TBX4: variants seen among roughly 807,000 people sequenced by gnomAD.
TBX4 encodes T-box transcription factor TBX4.
A neutral mutation model predicts 54.6 loss-of-function variants in TBX4; 13 were observed. The observed-to-expected ratio is 0.24, with a 90% CI of 0.15 to 0.38. TBX4 has a LOEUF of 0.38. Among genes scored for constraint, TBX4 ranks in the 10% least tolerant of loss-of-function variants. TBX4 has a pLI of 1.00. For synonymous variants in TBX4, 314 were observed against 306.7 expected (o/e 1.02, Z -0.25); for missense variants, 631 against 728.5 (o/e 0.87, Z 1.54).
chr17:61,465,702 A>G lies in TBX4; in HGVS notation c.282-117A>G. 7.3e-7 allele frequency: 1 copy of G among 1,374,626 alleles called. No individual in the cohort carries two copies. The highest frequency in any genetic ancestry group is 1.2e-5 in the South Asian group (1 of 85,226). The allele number at this position is 1,374,626 out of a possible 1,614,324, so 85.2% of individuals were successfully genotyped here. On this transcript the variant is annotated intron_variant, in intron 3 of 8. Coordinates refer to ENST00000644296, the MANE Select transcript of TBX4 (RefSeq NM_001321120.2). This position sits in a 1 kb window ranked among gnomAD's most constrained non-coding sequence, Gnocchi z 4.9. ...AGGTCACACAGCTGTGACCAATGCC[A>G]GGATCGCTGGCCAAAAGGGCAGCAT...
intron 3 of TBX4, among the ~76,000 whole-genome samples, chr17:61,458,009 T>C (rs2060466693): frequency 6.6e-6 from 1 of 152,206 alleles, no homozygotes; most frequent in Non-Finnish European, 1.5e-5. Context: ...CAGAGATGCC[T>C]CTCAGCAGAT....
intron 1 of TBX4, among the ~76,000 whole-genome samples, chr17:61,455,176 T>C (rs902176686): frequency 1.3e-5 from 2 of 152,176 alleles, no homozygotes; most frequent in African/African-American, 4.8e-5. Flanking sequence ...TTTTATCTCC[T>C]GGGTTGCACT....
chr17:61,466,687 G>A lies in TBX4; in HGVS notation c.401+749G>A, dbSNP rs2060539655. On this transcript the variant is annotated intron_variant, in intron 4 of 8. Transcript: ENST00000644296. ...AGGCAGGATTTGGTGGCCACGTCCTGGCAAGGGCCATGTTTCTGTTTCTTC... is the reference window on the plus strand; with the variant it reads ...AGGCAGGATTTGGTGGCCACGTCCTAGCAAGGGCCATGTTTCTGTTTCTTC... Among the ~76,000 whole-genome samples the A allele has an allele frequency of 1.3e-5, 2 of 152,240 alleles. 1 individual carries two copies. Among genetic ancestry groups the A allele is most frequent in the Admixed American group, 1.3e-4 (2 of 15,290 alleles).
At chr17:61,466,014 G>A (rs1482205450) in intron 4 of TBX4, 76 bp downstream of exon 4, 66 of 1,600,116 alleles carry the variant, frequency 4.1e-5, no homozygotes, top group Admixed American at 5.0e-5. Flanking sequence ...TGTTTTGTCC[G>A]GGGGATTTCT....
rs1447158602 is a variant in TBX4 at position 61,457,156 on chromosome 17, G to A, written c.187-381G>A. On this transcript the variant is annotated intron_variant, in intron 2 of 8. Transcript: ENST00000644296. The surrounding 1 kb of genome is among the most constrained non-coding windows in gnomAD (Gnocchi z 8.2). ...CACGGGATGCCGCCTGGGGATCTGT[G>A]TGCACTATCTGCAGGCGCGCGCCTG... Among the ~76,000 whole-genome samples the A allele has an allele frequency of 2.0e-5, 3 of 152,176 alleles. No individual in the cohort carries two copies. Among genetic ancestry groups the A allele is most frequent in the Non-Finnish European group, 4.4e-5 (3 of 68,028 alleles).
intron 1 of TBX4, among the ~76,000 whole-genome samples, chr17:61,456,259 C>T (rs1010878825): frequency 6.6e-6 from 1 of 152,200 alleles, no homozygotes; most frequent in East Asian, 1.9e-4. Context: ...CAGGGGCAGG[C>T]AGACATTGAA....
Position 61,484,742 on chromosome 17 carries a change from A to T in TBX4, c.*1226A>T, listed in dbSNP as rs2060690999. 7.0e-6 allele frequency: 1 copy of T among 142,012 alleles called. No individual in the cohort carries two copies. Among genetic ancestry groups the T allele is most frequent in the African/African-American group, 2.5e-5 (1 of 39,342 alleles). 8.8% of individuals were successfully genotyped at this position (142,012 alleles called of 1,614,324 possible). On this transcript the variant is annotated 3_prime_UTR_variant, in exon 9 of 9. Coordinates refer to ENST00000644296, the MANE Select transcript of TBX4 (RefSeq NM_001321120.2). The surrounding 1 kb of genome is among the most constrained non-coding windows in gnomAD (Gnocchi z 4.1). Reference sequence around the variant, plus strand: ...CATGCTGAATAGCTATTTATATATTATATAAATAAATAAATATATATATTA... The same window carrying T: ...CATGCTGAATAGCTATTTATATATTTTATAAATAAATAAATATATATATTA...
chr17:61,460,424 A>T lies in TBX4; in HGVS notation c.281+2793A>T, dbSNP rs2060486417. On this transcript the variant is annotated intron_variant, in intron 3 of 8. Coordinates refer to ENST00000644296, the MANE Select transcript of TBX4 (RefSeq NM_001321120.2). This position sits in a 1 kb window ranked among gnomAD's most constrained non-coding sequence, Gnocchi z 4.4. Reference sequence around the variant, plus strand: ...GGGTCCTTGAGAGTCTTGAAGGTTGACAGAGAGAAGAATCCCTTTCACTGG... The same window carrying T: ...GGGTCCTTGAGAGTCTTGAAGGTTGTCAGAGAGAAGAATCCCTTTCACTGG... Among the ~76,000 whole-genome samples, 1 of 152,206 alleles carries T rather than the reference A, an allele frequency of 6.6e-6. No individual in the cohort carries two copies. Among genetic ancestry groups the T allele is most frequent in the South Asian group, 2.1e-4 (1 of 4,826 alleles).
In TBX4 at chr17:61,462,024, C is replaced by T. The variant is rs187377940; in HGVS notation, c.282-3795C>T. Among the ~76,000 whole-genome samples, 173 of 152,246 alleles carry T rather than the reference C, an allele frequency of 1.1e-3. 1 individual carries two copies. The highest frequency in any genetic ancestry group is 4.1e-3 in the African/African-American group (169 of 41,536). On this transcript the variant is annotated intron_variant, in intron 3 of 8. Coordinates refer to ENST00000644296, the MANE Select transcript of TBX4 (RefSeq NM_001321120.2). The surrounding 1 kb of genome is among the most constrained non-coding windows in gnomAD (Gnocchi z 4.5). The stretch of plus-strand genomic sequence containing the variant: ...CACCGCTTTGGCCGGGGAGCTCCCG[C>T]GGCTCTCGCAGCGCAGCTAGAACTT...
chr17:61,458,776 G>A (rs1014469459), intron 3 of TBX4, among the ~76,000 whole-genome samples: 2 of 152,222 alleles, frequency 1.3e-5, no homozygotes, highest in African/African-American at 4.8e-5. Context: ...AATAATATTA[G>A]CAATAATTAG....
rs1362275368 is a variant in TBX4 at position 61,461,871 on chromosome 17, G to A, written c.282-3948G>A. On this transcript the variant is annotated intron_variant, in intron 3 of 8. Transcript: ENST00000644296. This position sits in a 1 kb window ranked among gnomAD's most constrained non-coding sequence, Gnocchi z 5.1. ...GTTCCTGGAGTCCCCAGGGACCTCC[G>A]AGAAAGTCGGGGCTGCAGCGGGGTT... Among the ~76,000 whole-genome samples the A allele has an allele frequency of 2.0e-5, 3 of 152,072 alleles. No individual in the cohort carries two copies. The highest frequency in any genetic ancestry group is 2.1e-4 in the South Asian group (1 of 4,802).
rs189797827 is a variant in TBX4, at chr17:61,465,453, C to A, written c.282-366C>A. On this transcript the variant is annotated intron_variant, in intron 3 of 8. Coordinates refer to ENST00000644296, the MANE Select transcript of TBX4 (RefSeq NM_001321120.2). This position sits in a 1 kb window ranked among gnomAD's most constrained non-coding sequence, Gnocchi z 4.9. Reference sequence around the variant, plus strand: ...AGGGAAATTAAGGCAGCAAGGTTGGCGTCAGAATCTGCTCCCACAATCCTG... The same window carrying A: ...AGGGAAATTAAGGCAGCAAGGTTGGAGTCAGAATCTGCTCCCACAATCCTG... Among the ~76,000 whole-genome samples the A allele has an allele frequency of 3.3e-5, 5 of 152,296 alleles. No homozygotes were observed. The East Asian group carries it at 9.6e-4, about 29-fold the overall frequency.
In TBX4 at chr17:61,480,125, G is replaced by A. The variant is rs2060653011; in HGVS notation, c.827G>A (p.Arg276Lys). Residue 276 changes from arginine to lysine, a missense_variant, in exon 8 of 9, where the codon AGG (arginine) becomes AAG (lysine). Arg to Lys is a conservative substitution (Grantham distance 26). Transcript: ENST00000644296. This position sits in a 1 kb window ranked among gnomAD's most constrained non-coding sequence, Gnocchi z 6.2. The stretch of plus-strand genomic sequence containing the variant: ...CCCGTGATTTCCAAAAGCATCATGA[G>A]GCAGAGGCTCATCTCCCCCCAGCTC... Reference protein sequence around the residue: ...EYPVISKSIMRQRLISPQLSA... With the variant: ...EYPVISKSIMKQRLISPQLSA... 6.2e-7 allele frequency: 1 copy of A among 1,613,914 alleles called. No individual in the cohort carries two copies. Among genetic ancestry groups the A allele is most frequent in the Non-Finnish European group, 8.5e-7 (1 of 1,180,008 alleles).
At position 61,476,743 on chromosome 17, in the gene TBX4, C is replaced by G. The variant is rs746257115; in HGVS notation, c.550-1884C>G. Among the ~76,000 whole-genome samples, 1 of 152,206 alleles carries G rather than the reference C, an allele frequency of 6.6e-6. No individual in the cohort carries two copies. The highest frequency in any genetic ancestry group is 1.5e-5 in the Non-Finnish European group (1 of 68,036). ...GCCTCGTGAAGGTCTGGAGGTTTGT[C>G]ACTGAGGGCTGAGGCGGGAGTGGCC... is the stretch of plus-strand genomic sequence containing the variant. On this transcript the variant is annotated intron_variant, in intron 5 of 8. Transcript: ENST00000644296. The surrounding 1 kb of genome is among the most constrained non-coding windows in gnomAD (Gnocchi z 6.5).
At chr17:61,458,735 G>C (rs992631311) in intron 3 of TBX4, among the ~76,000 whole-genome samples, 8 of 152,226 alleles carry the variant, frequency 5.3e-5, no homozygotes, top group Admixed American at 4.6e-4. Flanking sequence ...CCAAGTTCCT[G>C]TCACATGCAA....
rs2060649757 is a variant in TBX4, at chr17:61,479,739, A to G, written c.703-142A>G. 3 of 862,408 alleles carry G rather than the reference A, an allele frequency of 3.5e-6. No homozygotes were observed. Among genetic ancestry groups the G allele is most frequent in the African/African-American group, 1.6e-5 (1 of 60,694 alleles). 53.4% of individuals were successfully genotyped at this position (862,408 alleles called of 1,614,324 possible). On this transcript the variant is annotated intron_variant, in intron 6 of 8. Coordinates refer to ENST00000644296, the MANE Select transcript of TBX4 (RefSeq NM_001321120.2). This position sits in a 1 kb window ranked among gnomAD's most constrained non-coding sequence, Gnocchi z 6.1. Reference sequence around the variant, plus strand: ...CAGTCCAGTCCCACCCTCCTCCCCAAGGAGGGTAGTGAGAAGCGGTGAGGC... The same window carrying G: ...CAGTCCAGTCCCACCCTCCTCCCCAGGGAGGGTAGTGAGAAGCGGTGAGGC...
Position 61,482,957 on chromosome 17 carries a change from C to A in TBX4, c.1082C>A (p.Ser361Ter), listed in dbSNP as rs149749116. 6.2e-7 allele frequency: 1 copy of A among 1,613,744 alleles called. No individual in the cohort carries two copies. The highest frequency in any genetic ancestry group is 1.3e-5 in the African/African-American group (1 of 74,886). ...CKRSYLEAPS[S>*]VGEDHYFRSP... ...CGATCCTATCTGGAAGCCCCCTCTT[C>A]GGTGGGGGAGGATCACTATTTCCGT... The change falls in exon 9 of 9, where the codon TCG (serine) becomes TAG (stop). Residue 361 changes from serine (S) to a stop codon, truncating the protein, a stop_gained. Transcript: ENST00000644296. LOFTEE classifies it high-confidence loss of function.
chr17:61,484,711 T>C lies in TBX4; in HGVS notation c.*1195T>C, dbSNP rs1005180336. 6.6e-6 allele frequency: 1 copy of C among 150,708 alleles called. No homozygotes were observed. Among genetic ancestry groups the C allele is most frequent in the African/African-American group, 2.4e-5 (1 of 41,108 alleles). The allele number at this position is 150,708 out of a possible 1,614,324, so 9.3% of individuals were successfully genotyped here. A position where few individuals can be genotyped will look rare whatever the true frequency, so the allele number is the denominator to read the frequency against. On this transcript the variant is annotated 3_prime_UTR_variant, in exon 9 of 9. Transcript: ENST00000644296. The surrounding 1 kb of genome is among the most constrained non-coding windows in gnomAD (Gnocchi z 4.1). ...CATCAAACTTGGGAAATCACTAAAC[T>C]CTTTGCATGCTGAATAGCTATTTAT...
rs1318489958 is a variant in TBX4 at position 61,459,915 on chromosome 17, T to TG, written c.281+2285dup. On this transcript the variant is annotated intron_variant, in intron 3 of 8. Transcript: ENST00000644296. The surrounding 1 kb of genome is among the most constrained non-coding windows in gnomAD (Gnocchi z 4.8). ...CCCCCTCCTTCAGCAACCACTGTAT[T>TG]GCTCTGATCTACGTTACTCAGGCTG... Among the ~76,000 whole-genome samples the TG allele has an allele frequency of 1.3e-5, 2 of 151,910 alleles. No homozygotes were observed. The highest frequency in any genetic ancestry group is 2.9e-5 in the Non-Finnish European group (2 of 67,990).
Sources: allele counts gnomAD v4.1 joint callset (sites outside exome capture counted in the v4.1 genomes callset), GRCh38; gene constraint gnomAD v4.1.1; non-coding constraint Gnocchi (gnomAD v3.1); transcripts MANE v1.5; gene names NCBI Gene and HGNC (gene_info 2026-07-23, HGNC 2026-07-21).